Variants in SPTLC2 observed in about 807,000 individuals in gnomAD.
The protein encoded by SPTLC2 is serine palmitoyltransferase 2.
In SPTLC2, 21 loss-of-function variants were observed where a neutral mutation model predicts 62.0. The observed-to-expected ratio is 0.34, with a 90% confidence interval of 0.24 to 0.49. The LOEUF (loss-of-function observed/expected upper bound fraction) is 0.49, where lower values mean the gene tolerates loss of function less well. Among genes scored for constraint, SPTLC2 ranks in the 20% least tolerant of loss-of-function variants. The pLI is 0.99. For synonymous variants in SPTLC2, 261 were observed against 261.8 expected, an observed-to-expected ratio of 1.00 and a Z score of 0.03; for missense variants, 511 against 713.0, an observed-to-expected ratio of 0.72 and a Z score of 3.23.
At chr14:77,573,418 A>G (rs1468294242) in intron 4 of SPTLC2, among the ~76,000 whole-genome samples, 1 of 152,154 alleles carries the variant, frequency 6.6e-6, no homozygotes, top group Non-Finnish European at 1.5e-5. Flanking sequence ...TACACATTCT[A>G]TACATGTAAC....
Position 77,616,454 on chromosome 14 carries a change from G to T in SPTLC2, c.126C>A (p.Ala42=). The change falls in exon 1 of 12, where the codon GCC becomes GCA. Residue 42 remains alanine (A), a synonymous_variant. Transcript: ENST00000216484. ...CCGCGCGGGCCCCTCGTACCTGGCC[G>T]GCGGCGGCTGCGGCTGCGGCTGCAG... ...SSAAAAAAAA[A]GQIHHVTQNG... The T allele has an allele frequency of 6.7e-7, 1 of 1,483,998 alleles. No homozygotes were observed. The highest frequency in any genetic ancestry group is 1.3e-5 in the South Asian group (1 of 79,098). The allele number at this position is 1,483,998 out of a possible 1,614,324, so 91.9% of individuals were successfully genotyped here.
chr14:77,593,257 T>A (rs1310006018), intron 2 of SPTLC2, among the ~76,000 whole-genome samples: 1 of 152,244 alleles, frequency 6.6e-6, no homozygotes, highest in Non-Finnish European at 1.5e-5. Context: ...AATTTACTCC[T>A]TACGTTCCTA....
At chr14:77,593,501 G>A (rs2079829932) in intron 2 of SPTLC2, among the ~76,000 whole-genome samples, 1 of 152,096 alleles carries the variant, frequency 6.6e-6, no homozygotes, top group South Asian at 2.1e-4. Flanking sequence ...CATAGATTGA[G>A]AAAAACAACA....
intron 9 of SPTLC2, 151 bp downstream of exon 9, chr14:77,551,945 C>T: frequency 8.5e-7 from 1 of 1,177,222 alleles, no homozygotes; most frequent in South Asian, 1.3e-5. Context: ...ATGTATCAAA[C>T]ACACTAAAAA....
intron 9 of SPTLC2, among the ~76,000 whole-genome samples, chr14:77,523,732 T>A (rs2091914): frequency 0.2 from 30,723 of 152,046 alleles, 3,627 homozygotes; most frequent in East Asian, 0.57. Flanking sequence ...TCTACTCCTA[T>A]CACCTTAGTA....
At chr14:77,542,078 A>C (rs74849814) in intron 9 of SPTLC2, among the ~76,000 whole-genome samples, 1 of 150,610 alleles carries the variant, frequency 6.6e-6, no homozygotes, top group African/African-American at 2.4e-5. Context: ...AAAAAAAAAA[A>C]CCAAGAAAAA....
chr14:77,538,336 A>G (rs1417246333), intron 9 of SPTLC2, among the ~76,000 whole-genome samples: 2 of 152,176 alleles, frequency 1.3e-5, no homozygotes, highest in Non-Finnish European at 1.5e-5. Context: ...TGCACACCCC[A>G]TCATAATGGG....
At chr14:77,580,554 GAAAAAAAAA>G (rs11322822) in intron 2 of SPTLC2, among the ~76,000 whole-genome samples, 2 of 129,384 alleles carry the variant, frequency 1.5e-5, no homozygotes, top group African/African-American at 2.9e-5. Context: ...TTTTAAAAAA[GAAAAAAAAA>G]AAAAAAAAAA....
chr14:77,570,643 G>A, intron 4 of SPTLC2, 135 bp from the exon 5 acceptor site: 2 of 995,326 alleles, frequency 2.0e-6, no homozygotes, highest in Non-Finnish European at 3.0e-6. Context: ...TCAATATTAT[G>A]AAGAGTAATA....
intron 10 of SPTLC2, among the ~76,000 whole-genome samples, chr14:77,519,649 T>A (rs1006392921): frequency 5.3e-5 from 8 of 151,964 alleles, no homozygotes; most frequent in African/African-American, 1.9e-4. Flanking sequence ...ACCTGGGAGG[T>A]GGAGGTTGCA....
intron 11 of SPTLC2, among the ~76,000 whole-genome samples, chr14:77,516,620 G>T (rs2079360836): frequency 6.6e-6 from 1 of 151,864 alleles, no homozygotes; most frequent in Non-Finnish European, 1.5e-5. Context: ...AAATCTGACA[G>T]GCATAATCAA....
At chr14:77,593,990 T>C (rs1361795787) in intron 2 of SPTLC2, among the ~76,000 whole-genome samples, 2 of 152,218 alleles carry the variant, frequency 1.3e-5, no homozygotes, top group Non-Finnish European at 2.9e-5. Flanking sequence ...TAAATGCTAA[T>C]GTTATCTACT....
intron 9 of SPTLC2, among the ~76,000 whole-genome samples, chr14:77,530,315 T>TA (rs1566770275): frequency 3.3e-4 from 27 of 81,884 alleles, no homozygotes; most frequent in Admixed American, 1.5e-3. Context: ...AGGATCTTTT[T>TA]TAAAAAAAAA....
chr14:77,567,677 C>A (rs1456004674), intron 5 of SPTLC2, among the ~76,000 whole-genome samples: 1 of 152,174 alleles, frequency 6.6e-6, no homozygotes, highest in Non-Finnish European at 1.5e-5. Context: ...CAACTATATT[C>A]ATTTTCTCAA....
intron 9 of SPTLC2, among the ~76,000 whole-genome samples, chr14:77,527,824 T>C (rs1008613828): frequency 1.3e-5 from 2 of 152,188 alleles, no homozygotes; most frequent in African/African-American, 2.4e-5. Flanking sequence ...TGTCTTAAAC[T>C]AGTACTATTT....
chr14:77,551,119 C>A (rs1048970739), intron 9 of SPTLC2, among the ~76,000 whole-genome samples: 1 of 151,996 alleles, frequency 6.6e-6, no homozygotes, highest in Non-Finnish European at 1.5e-5. Context: ...CTGGGCCGGG[C>A]ACGGTGGCTC....
intron 2 of SPTLC2, among the ~76,000 whole-genome samples, chr14:77,580,135 G>A (rs575988939): frequency 6.6e-6 from 1 of 152,110 alleles, no homozygotes; most frequent in South Asian, 2.1e-4. Flanking sequence ...GGATCAAAAT[G>A]AAACAAATCC....
chr14:77,582,062 T>A (rs78710502), intron 2 of SPTLC2, among the ~76,000 whole-genome samples: 11,581 of 114,338 alleles, frequency 0.1, 590 homozygotes, highest in Admixed American at 0.19. Context: ...AAAAAAAAAA[T>A]TTTTTTTTGA....
At chr14:77,524,448 A>T (rs1170890760) in intron 9 of SPTLC2, among the ~76,000 whole-genome samples, 1 of 152,172 alleles carries the variant, frequency 6.6e-6, no homozygotes. Context: ...TTAAAAAAAA[A>T]AAAAAAAGTT....
Sources: gnomAD v4.1 joint callset for allele counts (sites outside exome capture counted in the v4.1 genomes callset) on GRCh38, gnomAD v4.1.1 for gene constraint, MANE v1.5 for transcripts, NCBI Gene and HGNC (gene_info 2026-07-23, HGNC 2026-07-21) for gene names.